Variants in PTPRD observed in about 807,000 individuals in gnomAD.
PTPRD encodes receptor-type tyrosine-protein phosphatase delta.
In PTPRD, 34 loss-of-function variants were observed where a neutral mutation model predicts 214.5. That is an observed-to-expected ratio of 0.16 (90% confidence interval 0.12 to 0.21). The LOEUF (loss-of-function observed/expected upper bound fraction) is 0.21. PTPRD is among the 10% of genes least tolerant of loss of function. PTPRD has a pLI of 1.00. For missense variants in PTPRD, 2,545 were observed against 2,398.7 expected (o/e 1.06, Z -1.27); for synonymous variants, 1,128 against 845.7 (o/e 1.33, Z -5.79).
chr9:10,478,750 A>G (rs2099078762), intron 2 of PTPRD, among the ~76,000 whole-genome samples: 1 of 151,414 alleles, frequency 6.6e-6, no homozygotes, highest in African/African-American at 2.4e-5. Context: ...ATAAATATAT[A>G]TATATTCACT....
chr9:8,717,901 G>A (rs1228883783), intron 12 of PTPRD, among the ~76,000 whole-genome samples: 9 of 152,162 alleles, frequency 5.9e-5, no homozygotes, highest in Non-Finnish European at 1.2e-4. Context: ...AGCATCCTGT[G>A]CATATATCTA....
At chr9:10,233,019 A>C in intron 3 of PTPRD, among the ~76,000 whole-genome samples, 1 of 152,054 alleles carries the variant, frequency 6.6e-6, no homozygotes, top group East Asian at 1.9e-4. Flanking sequence ...GAATGTGTCA[A>C]GGTCGCCACA....
rs371115015 is a variant in PTPRD at position 8,340,394 on chromosome 9, T to C, written c.5202A>G (p.Glu1734=). ...TTEDFWRMLW[E]HNSTIVVMLT... The stretch of plus-strand genomic sequence containing the variant: ...GCATCACAACTATGGTGGAATTGTG[T>C]TCCCAGAGCATCCGCCAGAAGTCTT... The change falls in exon 42 of 46, where the codon GAA becomes GAG. Residue 1734 remains glutamate, a synonymous_variant. Transcript: ENST00000381196. 17 of 1,611,034 alleles carry C rather than the reference T, an allele frequency of 1.1e-5. No individual in the cohort carries two copies. The highest frequency in any genetic ancestry group is 2.7e-5 in the African/African-American group (2 of 74,844).
At chr9:8,604,119 G>A (rs187017055) in intron 14 of PTPRD, among the ~76,000 whole-genome samples, 2 of 152,248 alleles carry the variant, frequency 1.3e-5, no homozygotes, top group East Asian at 1.9e-4. Flanking sequence ...TATGTGCCCA[G>A]TACTGTTGTT....
chr9:10,045,487 A>G (rs181186274), intron 3 of PTPRD, among the ~76,000 whole-genome samples: 26 of 151,742 alleles, frequency 1.7e-4, no homozygotes, highest in South Asian at 1.5e-3. Flanking sequence ...AAAACAACAA[A>G]TGTGACCTCA....
chr9:8,914,227 TAATTA>T (rs1449419274), intron 11 of PTPRD, among the ~76,000 whole-genome samples: 1 of 152,218 alleles, frequency 6.6e-6, no homozygotes, highest in Non-Finnish European at 1.5e-5. Flanking sequence ...ATTACTATTT[TAATTA>T]TTCTTTAATT....
chr9:8,780,861 A>G (rs796604232), intron 11 of PTPRD, among the ~76,000 whole-genome samples: 18 of 152,342 alleles, frequency 1.2e-4, no homozygotes, highest in African/African-American at 4.1e-4. Context: ...ATGTGTATCA[A>G]TTGTGGAGGT....
chr9:9,840,165 G>T (rs568852290), intron 5 of PTPRD, among the ~76,000 whole-genome samples: 1 of 152,032 alleles, frequency 6.6e-6, no homozygotes, highest in South Asian at 2.1e-4. Flanking sequence ...AGCCTTCCAA[G>T]TACCTGGCAT....
At chr9:9,008,744 C>G (rs1164536524) in intron 11 of PTPRD, among the ~76,000 whole-genome samples, 1 of 152,078 alleles carries the variant, frequency 6.6e-6, no homozygotes, top group Non-Finnish European at 1.5e-5. Context: ...TAATTCGTCT[C>G]CTTAGTTATT....
At chr9:8,323,078 A>C (rs1164189744) in intron 44 of PTPRD, among the ~76,000 whole-genome samples, 1 of 152,178 alleles carries the variant, frequency 6.6e-6, no homozygotes, top group East Asian at 1.9e-4. Flanking sequence ...TCTTGTACCA[A>C]ATAGCCCAGT....
intron 7 of PTPRD, among the ~76,000 whole-genome samples, chr9:9,644,309 G>T (rs779118536): frequency 2.0e-4 from 31 of 152,132 alleles, no homozygotes; most frequent in Non-Finnish European, 4.0e-4. Context: ...AATCAGAACA[G>T]CAAGGCTTTT....
chr9:8,511,672 A>G (rs2097685477), intron 21 of PTPRD, among the ~76,000 whole-genome samples: 3 of 152,172 alleles, frequency 2.0e-5, no homozygotes, highest in Non-Finnish European at 2.9e-5. Flanking sequence ...AACCAGATTT[A>G]CAATAGGACA....
intron 14 of PTPRD, among the ~76,000 whole-genome samples, chr9:8,530,301 T>C (rs761672883): frequency 2.0e-5 from 3 of 152,008 alleles, no homozygotes; most frequent in African/African-American, 7.2e-5. Context: ...TCTCAGCCTC[T>C]TAGGGATCAA....
intron 9 of PTPRD, among the ~76,000 whole-genome samples, chr9:9,223,731 T>C (rs747782378): frequency 3.9e-5 from 6 of 151,958 alleles, no homozygotes; most frequent in African/African-American, 4.8e-5. Flanking sequence ...GCAAAGTGCA[T>C]TGACAATGCA....
At chr9:9,716,552 G>A (rs2097837335) in intron 7 of PTPRD, among the ~76,000 whole-genome samples, 1 of 152,108 alleles carries the variant, frequency 6.6e-6, no homozygotes, top group South Asian at 2.1e-4. Context: ...CGTTCTAACT[G>A]GTGTGAGATT....
At chr9:9,368,012 T>C (rs987288447) in intron 9 of PTPRD, among the ~76,000 whole-genome samples, 1 of 151,742 alleles carries the variant, frequency 6.6e-6, no homozygotes, top group African/African-American at 2.4e-5. Context: ...TCTGGCATGA[T>C]TAAACTTCTG....
At chr9:8,914,677 A>G (rs1052497545) in intron 11 of PTPRD, among the ~76,000 whole-genome samples, 2 of 152,178 alleles carry the variant, frequency 1.3e-5, no homozygotes, top group African/African-American at 2.4e-5. Context: ...ATTAACTTCC[A>G]CATAGAATAT....
chr9:9,908,643 T>C (rs1305474213), intron 5 of PTPRD, among the ~76,000 whole-genome samples: 1 of 152,078 alleles, frequency 6.6e-6, no homozygotes, highest in Non-Finnish European at 1.5e-5. Flanking sequence ...CTTTAAAATA[T>C]ATACTTTCTA....
Position 9,922,949 on chromosome 9 carries a change from G to C in PTPRD, c.-368+15558C>G, listed in dbSNP as rs925144294. ...GCTCAATTGATGTAATATACTGCTA[G>C]TATTCTAATTCTATCAAAGTATTTT... is the stretch of plus-strand genomic sequence containing the variant. On this transcript the variant is annotated intron_variant, in intron 5 of 45. Coordinates refer to ENST00000381196, the MANE Select transcript of PTPRD (RefSeq NM_002839.4). Among the ~76,000 whole-genome samples, 3 of 131,420 alleles carry C rather than the reference G, an allele frequency of 2.3e-5. No individual in the cohort carries two copies. The East Asian group carries it at 1.0e-3, about 44-fold the overall frequency. 86.2% of individuals were successfully genotyped at this position (131,420 alleles called of 152,430 possible).
Sources: gnomAD v4.1 joint callset for allele counts (sites outside exome capture counted in the v4.1 genomes callset) on GRCh38, gnomAD v4.1.1 for gene constraint, MANE v1.5 for transcripts, NCBI Gene and HGNC (gene_info 2026-07-23, HGNC 2026-07-21) for gene names.